The following ZNF705D variants were observed in gnomAD, a reference collection of about 807,000 sequenced individuals.
The protein encoded by ZNF705D is putative zinc finger protein 705C.
For synonymous variants in ZNF705D, 1 was observed against 43.8 expected, an observed-to-expected ratio of 0.02 and a Z score of 3.86; for missense variants, 6 against 129.4, an observed-to-expected ratio of 0.05 and a Z score of 4.63.
At chr8:12,106,604 ATTT>A (rs1190613892), upstream of ZNF705D, among the ~76,000 whole-genome samples, 7 of 9,192 alleles carry the variant, frequency 7.6e-4, no homozygotes, top group African/African-American at 1.1e-3. Context: ...TTGCTGGGCC[ATTT>A]TCTAATTTTG....
the ZNF705D span, among the ~76,000 whole-genome samples, chr8:12,091,816 G>C: frequency 2.0e-3 from 48 of 24,202 alleles, 15 homozygotes; most frequent in South Asian, 0.15. Context: ...TTTTTTAGTA[G>C]AGATGGAGTT....
the ZNF705D span, among the ~76,000 whole-genome samples, chr8:12,089,691 AGG>A: frequency 1.8e-5 from 1 of 55,730 alleles, no homozygotes. Flanking sequence ...AAGGACCATC[AGG>A]TGGGGGTGGG....
the ZNF705D span, among the ~76,000 whole-genome samples, chr8:12,090,056 C>G: frequency 8.4e-5 from 6 of 71,374 alleles, 1 homozygote; most frequent in African/African-American, 1.8e-4. Context: ...CGCCCTCCCC[C>G]GAGTTCTGGC....
At chr8:12,089,890 C>G in the ZNF705D span, among the ~76,000 whole-genome samples, 372 of 47,382 alleles carry the variant, frequency 7.9e-3, 107 homozygotes, top group Middle Eastern at 0.017. Flanking sequence ...AAAGGCGGGT[C>G]TCACTCCCAC....
chr8:12,107,361 G>T (rs1802224985), upstream of ZNF705D, among the ~76,000 whole-genome samples: 1 of 54,302 alleles, frequency 1.8e-5, no homozygotes, highest in South Asian at 9.6e-4. Context: ...GAGTGCAGTG[G>T]TGGGATCTCA....
At chr8:12,103,279 TG>T (rs1358547697), upstream of ZNF705D, among the ~76,000 whole-genome samples, 4 of 85,782 alleles carry the variant, frequency 4.7e-5, 1 homozygote, top group Non-Finnish European at 1.1e-4. Context: ...CGTATCTGCA[TG>T]GGTCCATAAG....
Position 12,109,493 on chromosome 8 carries a change from G to A in ZNF705D, c.13-407G>A, listed in dbSNP as rs1369212888. On this transcript the variant is annotated intron_variant, in intron 1 of 4. Transcript: ENST00000400078. The stretch of plus-strand genomic sequence containing the variant: ...ATCTAGAGAAATAATTTATTTCATC[G>A]CAGTCATGTTTAAAAAGTAGTAAAT... 6.1e-5 allele frequency among the ~76,000 whole-genome samples: 5 copies of A among 82,310 alleles called. 2 individuals are homozygous for A. The highest frequency in any genetic ancestry group is 6.2e-4 in the South Asian group (1 of 1,614). 54.0% of individuals were successfully genotyped at this position (82,310 alleles called of 152,430 possible). A position where few individuals can be genotyped will look rare whatever the true frequency, so the allele number is the denominator to read the frequency against.
rs1315013456 is a variant in ZNF705D, at chr8:12,110,462, G to A, written c.140-338G>A. 7.9e-4 allele frequency among the ~76,000 whole-genome samples: 29 copies of A among 36,662 alleles called. 1 individual carries two copies. Among genetic ancestry groups the A allele is most frequent in the African/African-American group, 1.5e-3 (28 of 18,538 alleles). 24.1% of individuals were successfully genotyped at this position (36,662 alleles called of 152,430 possible). ...AATCGAATGTTTTTTTTTGTTCTGC[G>A]TGAGAATAATAATAAACACAATGTG... On this transcript the variant is annotated intron_variant, in intron 2 of 4. Coordinates refer to ENST00000400078, the Ensembl canonical transcript of ZNF705D.
chr8:12,089,744 T>C, the ZNF705D span, among the ~76,000 whole-genome samples: 79 of 68,710 alleles, frequency 1.1e-3, 7 homozygotes, highest in African/African-American at 2.2e-3. Flanking sequence ...GGGTGGGTCT[T>C]GCTTTGGCTG....
In ZNF705D at chr8:12,113,077, CAAAAT is replaced by C. The variant is rs769571852; in HGVS notation, c.825_829del (p.Lys275AsnfsTer24). The C allele has an allele frequency of 1.4e-6, 2 of 1,415,200 alleles. 1 individual carries two copies. The highest frequency in any genetic ancestry group is 2.9e-5 in the African/African-American group (2 of 69,364). The allele number at this position is 1,415,200 out of a possible 1,614,324, so 87.7% of individuals were successfully genotyped here. ...GTCAAAGCTCTGGCTTTAGAGGAAA[CAAAAT>C]AATTCACATTGGAGAGAAACCACAT... On this transcript the variant is annotated frameshift_variant, in exon 5 of 5. Coordinates refer to ENST00000400078, the Ensembl canonical transcript of ZNF705D. LOFTEE classifies it high-confidence loss of function.
At chr8:12,089,889 T>A in the ZNF705D span, among the ~76,000 whole-genome samples, 1 of 46,980 alleles carries the variant, frequency 2.1e-5, no homozygotes, top group African/African-American at 3.4e-5. Context: ...GAAAGGCGGG[T>A]CTCACTCCCA....
the ZNF705D span, among the ~76,000 whole-genome samples, chr8:12,090,056 C>T: frequency 5.2e-4 from 37 of 71,374 alleles, 10 homozygotes; most frequent in Middle Eastern, 0.012. Flanking sequence ...CGCCCTCCCC[C>T]GAGTTCTGGC....
At chr8:12,090,660 T>A in the ZNF705D span, among the ~76,000 whole-genome samples, 50 of 18,440 alleles carry the variant, frequency 2.7e-3, 2 homozygotes, top group Non-Finnish European at 0.012. Context: ...CGTCTGATCA[T>A]GTTTTTGCCT....
the ZNF705D span, among the ~76,000 whole-genome samples, chr8:12,095,812 T>A: frequency 2.8e-5 from 1 of 36,300 alleles, no homozygotes; most frequent in African/African-American, 1.1e-4. Context: ...TGATAGATTA[T>A]AACAGATGTA....
chr8:12,093,230 TTCTA>T, the ZNF705D span, among the ~76,000 whole-genome samples: 6 of 79,666 alleles, frequency 7.5e-5, no homozygotes, highest in African/African-American at 2.1e-4. Context: ...GAAGATAATA[TTCTA>T]GGTGACGGCT....
Position 12,110,445 on chromosome 8 carries a change from G to GT in ZNF705D, c.140-346dup, listed in dbSNP as rs560257561. ...CACCAATTATTTTTGTAAATCGAAT[G>GT]TTTTTTTTTGTTCTGCGTGAGAATA... On this transcript the variant is annotated intron_variant, in intron 2 of 4. Coordinates refer to ENST00000400078, the Ensembl canonical transcript of ZNF705D. Among the ~76,000 whole-genome samples, 350 of 48,306 alleles carry GT rather than the reference G, an allele frequency of 7.2e-3. 8 individuals carry two copies. The highest frequency in any genetic ancestry group is 0.015 in the African/African-American group (329 of 22,584). 31.7% of individuals were successfully genotyped at this position (48,306 alleles called of 152,430 possible).
chr8:12,107,649 C>T (rs1461605562), upstream of ZNF705D, among the ~76,000 whole-genome samples: 2 of 71,642 alleles, frequency 2.8e-5, 1 homozygote, highest in Non-Finnish European at 6.0e-5. Context: ...AGGGGAAATA[C>T]AAAAGTCAGA....
In ZNF705D at chr8:12,110,461, C is replaced by T. The variant is rs1413122698; in HGVS notation, c.140-339C>T. On this transcript the variant is annotated intron_variant, in intron 2 of 4. Transcript: ENST00000400078. ...AAATCGAATGTTTTTTTTTGTTCTGCGTGAGAATAATAATAAACACAATGT... is the reference window on the plus strand; with the variant it reads ...AAATCGAATGTTTTTTTTTGTTCTGTGTGAGAATAATAATAAACACAATGT... Among the ~76,000 whole-genome samples, 59 of 37,170 alleles carry T rather than the reference C, an allele frequency of 1.6e-3. 3 individuals are homozygous for T. The highest frequency in any genetic ancestry group is 2.9e-3 in the African/African-American group (55 of 18,650). 24.4% of individuals were successfully genotyped at this position (37,170 alleles called of 152,430 possible). A position where few individuals can be genotyped will look rare whatever the true frequency, so the allele number is the denominator to read the frequency against.
upstream of ZNF705D, among the ~76,000 whole-genome samples, chr8:12,105,560 A>G (rs2150600315): frequency 3.1e-5 from 2 of 63,556 alleles, 1 homozygote. Context: ...CAAAATGGAG[A>G]AACCCTGTCT....
Sources: allele counts gnomAD v4.1 joint callset (sites outside exome capture counted in the v4.1 genomes callset), GRCh38; gene constraint gnomAD v4.1.1; transcripts MANE v1.5; gene names NCBI Gene and HGNC (gene_info 2026-07-23, HGNC 2026-07-21).